The following RBMS3 variants were observed in gnomAD, a reference collection of about 807,000 sequenced individuals.
RBMS3 encodes RNA binding motif single stranded interacting protein 3, also known as RNA-binding motif, single-stranded-interacting protein 3.
Under a neutral mutation model 66.8 loss-of-function variants are expected in RBMS3, and 27 were observed. The ratio of observed to expected loss-of-function variants is 0.40; its 90% CI spans 0.30 to 0.56. The LOEUF (loss-of-function observed/expected upper bound fraction) is 0.56, where lower values mean the gene tolerates loss of function less well. RBMS3 is among the 20% of genes least tolerant of loss of function. RBMS3 has a pLI of 0.40. For synonymous variants in RBMS3, 188 were observed against 183.0 expected, an observed-to-expected ratio of 1.03 and a Z score of -0.22; for missense variants, 513 against 549.5, an observed-to-expected ratio of 0.93 and a Z score of 0.66.
intron 3 of RBMS3, among the ~76,000 whole-genome samples, chr3:29,509,107 A>T (rs953723933): frequency 6.6e-6 from 1 of 151,640 alleles, no homozygotes; most frequent in Admixed American, 6.6e-5. Context: ...GCCTTTTGTC[A>T]GGTGGGTAGA....
chr3:29,999,453 C>T (rs1699468167), intron 14 of RBMS3, among the ~76,000 whole-genome samples: 1 of 152,156 alleles, frequency 6.6e-6, no homozygotes. Flanking sequence ...GCTATAAAGG[C>T]ACATGCACAT....
chr3:29,652,558 G>A (rs777005401), intron 4 of RBMS3, among the ~76,000 whole-genome samples: 1 of 151,974 alleles, frequency 6.6e-6, no homozygotes, highest in African/African-American at 2.4e-5. Flanking sequence ...TAGCAGAATT[G>A]TATTTCTCAC....
intron 2 of RBMS3, among the ~76,000 whole-genome samples, chr3:29,437,919 T>C (rs1468235301): frequency 2.0e-5 from 3 of 152,184 alleles, no homozygotes; most frequent in African/African-American, 7.2e-5. Flanking sequence ...CCTCGTGCAG[T>C]GTTGGCAGGG....
At chr3:29,457,659 T>C (rs1380148300) in intron 2 of RBMS3, among the ~76,000 whole-genome samples, 2 of 152,108 alleles carry the variant, frequency 1.3e-5, no homozygotes, top group Admixed American at 6.6e-5. Flanking sequence ...GAGGCGAAGG[T>C]TGCAGTGAGC....
At chr3:29,922,719 A>G (rs2060825851) in intron 10 of RBMS3, among the ~76,000 whole-genome samples, 1 of 152,142 alleles carries the variant, frequency 6.6e-6, no homozygotes, top group Non-Finnish European at 1.5e-5. Flanking sequence ...TGCTTTATCA[A>G]TTTCAAGCCA....
intron 3 of RBMS3, among the ~76,000 whole-genome samples, chr3:29,530,705 C>CAAAA (rs35876128): frequency 1.1e-3 from 133 of 123,730 alleles, no homozygotes; most frequent in African/African-American, 3.9e-3. Flanking sequence ...ACTAAAAATA[C>CAAAA]AAAAAAAAAA....
chr3:29,330,042 A>G (rs2035565100), intron 1 of RBMS3, among the ~76,000 whole-genome samples: 1 of 152,008 alleles, frequency 6.6e-6, no homozygotes, highest in Non-Finnish European at 1.5e-5. Context: ...TGAAATATAC[A>G]TCTTACTCTA....
At chr3:29,796,710 A>ATTTTTTTTTTTTTTT (rs1576829680) in intron 6 of RBMS3, among the ~76,000 whole-genome samples, 5 of 93,364 alleles carry the variant, frequency 5.4e-5, no homozygotes, top group African/African-American at 2.6e-4. Context: ...TTTGAAAGGA[A>ATTTTTTTTTTTTTTT]TCTTTTTTTT....
At chr3:29,691,947 C>CTTTTTTTTTTTT (rs1218393454) in intron 4 of RBMS3, among the ~76,000 whole-genome samples, 2 of 53,546 alleles carry the variant, frequency 3.7e-5, no homozygotes, top group African/African-American at 1.5e-4. Flanking sequence ...CTCTCTCTCT[C>CTTTTTTTTTTTT]TATTTTTTTT....
At chr3:29,730,892 A>G in intron 4 of RBMS3, 2 of 985,312 alleles carry the variant, frequency 2.0e-6, no homozygotes, top group Non-Finnish European at 2.4e-6. Context: ...CTCACAGGAG[A>G]AACCATCACA....
intron 3 of RBMS3, among the ~76,000 whole-genome samples, chr3:29,585,586 G>A (rs1011170427): frequency 3.3e-5 from 5 of 152,100 alleles, no homozygotes; most frequent in Non-Finnish European, 2.9e-5. Flanking sequence ...ACTTCACCAA[G>A]TGCCAATGTG....
At chr3:29,333,332 A>T (rs2035770862) in intron 1 of RBMS3, among the ~76,000 whole-genome samples, 1 of 152,140 alleles carries the variant, frequency 6.6e-6, no homozygotes, top group African/African-American at 2.4e-5. Flanking sequence ...GTGCCCTCTC[A>T]AGGGTTTATG....
chr3:29,879,977 G>A (rs888344532), intron 7 of RBMS3, among the ~76,000 whole-genome samples: 1 of 152,008 alleles, frequency 6.6e-6, no homozygotes, highest in Non-Finnish European at 1.5e-5. Flanking sequence ...TTGATATAAT[G>A]TAATCATTTA....
intron 1 of RBMS3, among the ~76,000 whole-genome samples, chr3:29,335,228 G>A (rs952070146): frequency 1.3e-5 from 2 of 152,032 alleles, no homozygotes; most frequent in Non-Finnish European, 2.9e-5. Context: ...TTATGATAGA[G>A]CAAACATTAT....
chr3:29,937,508 A>AAT (rs1361209806), intron 11 of RBMS3, among the ~76,000 whole-genome samples: 1 of 152,058 alleles, frequency 6.6e-6, no homozygotes, highest in African/African-American at 2.4e-5. Context: ...GAAGAAAGTC[A>AAT]ATATAATTTA....
intron 1 of RBMS3, among the ~76,000 whole-genome samples, chr3:29,421,664 T>A (rs562914463): frequency 6.6e-6 from 1 of 152,318 alleles, no homozygotes; most frequent in African/African-American, 2.4e-5. Context: ...TCTTAAAAAA[T>A]TCTTCTGAGA....
At chr3:29,631,573 C>A (rs1459704711) in intron 4 of RBMS3, among the ~76,000 whole-genome samples, 1 of 151,794 alleles carries the variant, frequency 6.6e-6, no homozygotes, top group African/African-American at 2.4e-5. Context: ...TGTTGACACA[C>A]CACAGGTCAA....
At chr3:29,587,663 T>G (rs2047581766) in intron 4 of RBMS3, among the ~76,000 whole-genome samples, 1 of 151,926 alleles carries the variant, frequency 6.6e-6, no homozygotes, top group Non-Finnish European at 1.5e-5. Flanking sequence ...AAAGTGTGTG[T>G]TCTCTTAGCT....
At chr3:29,929,054 A>G (rs1343933668) in intron 10 of RBMS3, among the ~76,000 whole-genome samples, 1 of 152,240 alleles carries the variant, frequency 6.6e-6, no homozygotes, top group Non-Finnish European at 1.5e-5. Context: ...TAGAAAAATA[A>G]GAGGAAAAAA....
Sources: allele counts gnomAD v4.1 joint callset (sites outside exome capture counted in the v4.1 genomes callset), GRCh38; gene constraint gnomAD v4.1.1; transcripts MANE v1.5; gene names NCBI Gene and HGNC (gene_info 2026-07-23, HGNC 2026-07-21).